ELFN1: variants seen among roughly 807,000 people sequenced by gnomAD.
The protein encoded by ELFN1 is protein ELFN1.
Under a neutral mutation model 7.6 loss-of-function variants are expected in ELFN1, and 6 were observed. That is an observed-to-expected ratio of 0.79 (90% confidence interval 0.43 to 1.56). The LOEUF (loss-of-function observed/expected upper bound fraction) is 1.56, where lower values mean the gene tolerates loss of function less well. ELFN1 is among the 40% of genes most tolerant of loss of function. The pLI is 0.01. For missense variants in ELFN1, 1,169 were observed against 1,232.2 expected (o/e 0.95, Z 0.77); for synonymous variants, 657 against 588.1 (o/e 1.12, Z -1.70).
At chr7:1,703,280 T>C (rs1317148563) in intron 2 of ELFN1, among the ~76,000 whole-genome samples, 1 of 152,202 alleles carries the variant, frequency 6.6e-6, no homozygotes, top group Non-Finnish European at 1.5e-5. Context: ...ATAATGAAGA[T>C]AGTTATCATT....
chr7:1,743,874 A>G (rs2128605141), intron 3 of ELFN1, among the ~76,000 whole-genome samples: 1 of 152,296 alleles, frequency 6.6e-6, no homozygotes, highest in Middle Eastern at 3.4e-3. Flanking sequence ...GCGGAAGCCC[A>G]GTCACTCCTC....
intron 2 of ELFN1, among the ~76,000 whole-genome samples, chr7:1,706,239 A>C (rs1427045489): frequency 6.6e-6 from 1 of 152,200 alleles, no homozygotes; most frequent in Non-Finnish European, 1.5e-5. Context: ...CCTGGCCAAG[A>C]TGGTGAAACC....
chr7:1,686,576 G>T lies in ELFN1; in HGVS notation c.-548-1482G>T, dbSNP rs557038612. ...GTGGTCAGTCAGTGATTGGTTTGGG[G>T]TTGTTTCCAAATACCTTGAGCCAGT... On this transcript the variant is annotated intron_variant, in intron 1 of 3. Coordinates refer to ENST00000424383, the MANE Select transcript of ELFN1 (RefSeq NM_001128636.4). Among the ~76,000 whole-genome samples the T allele has an allele frequency of 2.2e-3, 332 of 151,984 alleles. 3 individuals are homozygous for T. The highest frequency in any genetic ancestry group is 4.1e-3 in the Non-Finnish European group (279 of 67,970).
chr7:1,714,240 C>T (rs949399126), intron 3 of ELFN1, among the ~76,000 whole-genome samples: 1 of 152,190 alleles, frequency 6.6e-6, no homozygotes, highest in African/African-American at 2.4e-5. Flanking sequence ...GTGGAACAAA[C>T]CCTCTCACGA....
intron 3 of ELFN1, among the ~76,000 whole-genome samples, chr7:1,718,646 C>G (rs1191985057): frequency 6.6e-6 from 1 of 152,100 alleles, no homozygotes; most frequent in Non-Finnish European, 1.5e-5. Flanking sequence ...GTAGGGCGGA[C>G]CAGGATGTGC....
intron 3 of ELFN1, among the ~76,000 whole-genome samples, chr7:1,742,763 C>G (rs908857742): frequency 6.6e-6 from 1 of 152,240 alleles, no homozygotes; most frequent in Non-Finnish European, 1.5e-5. Context: ...TTCTCCCTCT[C>G]TTTAAATCAG....
At chr7:1,700,444 G>A (rs1395682861) in intron 2 of ELFN1, among the ~76,000 whole-genome samples, 1 of 152,210 alleles carries the variant, frequency 6.6e-6, no homozygotes, top group Non-Finnish European at 1.5e-5. Flanking sequence ...TCCCATAAAT[G>A]AAATCTTTGC....
intron 3 of ELFN1, among the ~76,000 whole-genome samples, chr7:1,732,417 G>A (rs1350477176): frequency 6.6e-6 from 1 of 152,174 alleles, no homozygotes; most frequent in African/African-American, 2.4e-5. Context: ...GCCACGTAAG[G>A]TTGCAGGGGG....
upstream of ELFN1, among the ~76,000 whole-genome samples, chr7:1,668,413 C>T (rs190177068): frequency 6.6e-6 from 1 of 152,262 alleles, no homozygotes; most frequent in Admixed American, 6.5e-5. Flanking sequence ...TTGGCCAGCA[C>T]AGGCCTGGGG....
intron 3 of ELFN1, among the ~76,000 whole-genome samples, chr7:1,730,287 A>G (rs2128598183): frequency 6.6e-6 from 1 of 152,364 alleles, no homozygotes; most frequent in South Asian, 2.1e-4. Flanking sequence ...GGCCAAGCCT[A>G]CAGAGCCAGG....
At chr7:1,721,122 GCT>G (rs1307975856) in intron 3 of ELFN1, among the ~76,000 whole-genome samples, 31 of 152,246 alleles carry the variant, frequency 2.0e-4, no homozygotes, top group Non-Finnish European at 1.5e-5. Context: ...ACTGTAATGA[GCT>G]CTCTCATCCC....
intron 2 of ELFN1, chr7:1,693,657 G>T (rs1779228935): frequency 2.1e-6 from 1 of 471,116 alleles, no homozygotes; most frequent in African/African-American, 2.0e-5. Context: ...ATGCAGGTGA[G>T]CACAGACACA....
At chr7:1,717,245 G>A (rs1428889966) in intron 3 of ELFN1, among the ~76,000 whole-genome samples, 1 of 152,340 alleles carries the variant, frequency 6.6e-6, no homozygotes. Flanking sequence ...CAGCCTTGCT[G>A]TTCTCTGCAT....
In ELFN1 at chr7:1,687,607, T is replaced by C. The variant is rs192897487; in HGVS notation, c.-548-451T>C. Among the ~76,000 whole-genome samples the C allele has an allele frequency of 7.5e-3, 1,140 of 152,226 alleles. 5 individuals are homozygous for C. The highest frequency in any genetic ancestry group is 0.011 in the Non-Finnish European group (740 of 68,016). On this transcript the variant is annotated intron_variant, in intron 1 of 3. Coordinates refer to ENST00000424383, the MANE Select transcript of ELFN1 (RefSeq NM_001128636.4). The stretch of plus-strand genomic sequence containing the variant: ...ATAAAATAATGCCATTGAAAATGGA[T>C]GGTATATTTCAATAAAAGGGGTAAG...
At chr7:1,678,302 C>G (rs1163856109) in intron 1 of ELFN1, among the ~76,000 whole-genome samples, 1 of 152,192 alleles carries the variant, frequency 6.6e-6, no homozygotes, top group East Asian at 1.9e-4. Context: ...AGCTCCCATC[C>G]TGCCACGACC....
At chr7:1,692,821 G>A (rs1779199285) in intron 2 of ELFN1, 1 of 161,318 alleles carries the variant, frequency 6.2e-6, no homozygotes, top group Non-Finnish European at 1.4e-5. Flanking sequence ...GGAAACTACG[G>A]ACGTTTCTTT....
chr7:1,717,157 G>A (rs550272284), intron 3 of ELFN1, among the ~76,000 whole-genome samples: 3 of 152,300 alleles, frequency 2.0e-5, no homozygotes, highest in South Asian at 2.1e-4. Flanking sequence ...GCCGCCGCAC[G>A]CAGGAAATAG....
intron 3 of ELFN1, among the ~76,000 whole-genome samples, chr7:1,731,358 A>G (rs1451738285): frequency 2.0e-5 from 3 of 152,246 alleles, no homozygotes; most frequent in Non-Finnish European, 4.4e-5. Flanking sequence ...AAAAGGGAGA[A>G]TGATGAAGGA....
At position 1,745,797 on chromosome 7, in the gene ELFN1, C is replaced by T. The variant is rs377055194; in HGVS notation, c.1201C>T (p.Arg401Trp). The T allele has an allele frequency of 1.2e-4, 188 of 1,557,412 alleles. No individual in the cohort carries two copies. The highest frequency in any genetic ancestry group is 1.4e-4 in the Non-Finnish European group (162 of 1,152,346). ...CACCTGCCTCACCATCTGCTTGCCCCGGCTGCCCAGCCCGCCTGGTCCGGT... is the reference window on the plus strand; with the variant it reads ...CACCTGCCTCACCATCTGCTTGCCCTGGCTGCCCAGCCCGCCTGGTCCGGT... ...NHTCLTICLPRLPSPPGPVPS... is the reference protein window; with the variant it reads ...NHTCLTICLPWLPSPPGPVPS... The change falls in exon 4 of 4, where the codon CGG (arginine) becomes TGG (tryptophan). Residue 401 changes from arginine to tryptophan, a missense_variant. By Grantham distance (101) the Arg-to-Trp change is moderately radical (BLOSUM62 -3). This residue lies in a region of ELFN1 where 914 missense variants were observed against 872.6 expected (regional missense o/e 1.05). Coordinates refer to ENST00000424383, the MANE Select transcript of ELFN1 (RefSeq NM_001128636.4).
Sources: gnomAD v4.1 joint callset for allele counts (sites outside exome capture counted in the v4.1 genomes callset) on GRCh38, gnomAD v4.1.1 for gene constraint, gnomAD v4.1.1 regional missense constraint, MANE v1.5 for transcripts, NCBI Gene and HGNC (gene_info 2026-07-23, HGNC 2026-07-21) for gene names.